VPS54: variants seen among roughly 807,000 people sequenced by gnomAD.
VPS54 encodes VPS54 subunit of GARP complex.
In VPS54, 45 loss-of-function variants were observed where a neutral mutation model predicts 121.5. The ratio of observed to expected loss-of-function variants is 0.37; its 90% confidence interval spans 0.29 to 0.47. The LOEUF (loss-of-function observed/expected upper bound fraction) is 0.47. VPS54 is among the 20% of genes least tolerant of loss of function. The pLI, the probability that VPS54 is intolerant of heterozygous loss-of-function variation, is 0.99. For synonymous variants in VPS54, 371 were observed against 385.8 expected, an observed-to-expected ratio of 0.96 and a Z score of 0.45; for missense variants, 1,090 against 1,131.4, an observed-to-expected ratio of 0.96 and a Z score of 0.52.
rs771131209 is a variant in VPS54, at chr2:63,962,462, A to C, written c.625-19T>G. ...GGCTCAGCTTAAAAGAGAAGGAAAA[A>C]AAATATGAAGTACTATGAGCATACC... On this transcript the variant is annotated intron_variant, in intron 6 of 22. Coordinates refer to ENST00000272322, the MANE Select transcript of VPS54 (RefSeq NM_016516.3). 191 of 1,585,516 alleles carry C rather than the reference A, an allele frequency of 1.2e-4. No individual in the cohort carries two copies. Among genetic ancestry groups the C allele is most frequent in the Non-Finnish European group, 1.6e-4 (181 of 1,167,218 alleles).
intron 1 of VPS54, among the ~76,000 whole-genome samples, chr2:64,015,696 A>G (rs1678651816): frequency 1.3e-5 from 2 of 152,188 alleles, no homozygotes; most frequent in South Asian, 4.1e-4. Flanking sequence ...ATGTTAGGGC[A>G]CTGGATATTT....
chr2:63,972,376 C>G, intron 3 of VPS54, 132 bp from the exon 4 acceptor site: 1 of 547,688 alleles, frequency 1.8e-6, no homozygotes, highest in South Asian at 3.6e-5. Context: ...TCACTAGCCT[C>G]CTGAACTTAA....
At chr2:64,006,919 A>C (rs1001075855) in intron 1 of VPS54, among the ~76,000 whole-genome samples, 2 of 152,184 alleles carry the variant, frequency 1.3e-5, no homozygotes, top group African/African-American at 2.4e-5. Context: ...ACGCCCGGCA[A>C]ACATCTTACT....
At chr2:63,967,799 G>C (rs73935037) in intron 5 of VPS54, among the ~76,000 whole-genome samples, 2,209 of 150,786 alleles carry the variant, frequency 0.015, 62 homozygotes, top group African/African-American at 0.051. Context: ...AAGAGTCCCA[G>C]ATAAAATGTT....
intron 1 of VPS54, among the ~76,000 whole-genome samples, chr2:64,011,901 C>T (rs1678448358): frequency 6.6e-6 from 1 of 152,056 alleles, no homozygotes; most frequent in African/African-American, 2.4e-5. Context: ...ATGATGCTTT[C>T]AAGGAATTTT....
At chr2:63,988,071 G>GA in intron 1 of VPS54, among the ~76,000 whole-genome samples, 1 of 152,300 alleles carries the variant, frequency 6.6e-6, no homozygotes, top group South Asian at 2.1e-4. Flanking sequence ...TAACTGTAGT[G>GA]AAAGTGGGCA....
At chr2:63,972,903 A>C (rs1676352329) in intron 3 of VPS54, among the ~76,000 whole-genome samples, 1 of 152,068 alleles carries the variant, frequency 6.6e-6, no homozygotes, top group African/African-American at 2.4e-5. Flanking sequence ...AAGGAAAGAA[A>C]GATAGAAATT....
At chr2:63,994,979 G>T (rs368165692) in intron 1 of VPS54, among the ~76,000 whole-genome samples, 1 of 152,132 alleles carries the variant, frequency 6.6e-6, no homozygotes, top group Non-Finnish European at 1.5e-5. Context: ...TGCATAGGAG[G>T]TTCAGCTCAT....
At chr2:63,939,977 C>T (rs1401384836) in intron 11 of VPS54, among the ~76,000 whole-genome samples, 2 of 152,050 alleles carry the variant, frequency 1.3e-5, no homozygotes, top group African/African-American at 2.4e-5. Flanking sequence ...AGGATGGTCT[C>T]GATCTCTTGA....
chr2:64,000,920 G>A (rs188328339), intron 1 of VPS54, among the ~76,000 whole-genome samples: 4 of 152,170 alleles, frequency 2.6e-5, no homozygotes, highest in Non-Finnish European at 4.4e-5. Flanking sequence ...CTCTACCATC[G>A]GCAGGTGGCA....
intron 20 of VPS54, among the ~76,000 whole-genome samples, chr2:63,911,102 T>A (rs1481451511): frequency 6.6e-6 from 1 of 152,188 alleles, no homozygotes; most frequent in Non-Finnish European, 1.5e-5. Context: ...CCTTGTTAGA[T>A]GGTAAGCTTC....
chr2:63,950,976 G>A (rs1438294794), intron 7 of VPS54, among the ~76,000 whole-genome samples: 7 of 151,982 alleles, frequency 4.6e-5, no homozygotes, highest in African/African-American at 1.7e-4. Flanking sequence ...ATCCTTTGCT[G>A]GCATTAAGTT....
At chr2:63,976,337 C>G (rs1002024091) in intron 3 of VPS54, among the ~76,000 whole-genome samples, 5 of 142,600 alleles carry the variant, frequency 3.5e-5, no homozygotes, top group Non-Finnish European at 6.0e-5. Context: ...GGCAACAGAG[C>G]GTGACCTTGT....
intron 1 of VPS54, among the ~76,000 whole-genome samples, chr2:63,992,994 A>C (rs1176022703): frequency 1.3e-5 from 2 of 152,218 alleles, no homozygotes; most frequent in Admixed American, 1.3e-4. Flanking sequence ...GTTCGAGCCC[A>C]GTTTCCCCAG....
intron 1 of VPS54, among the ~76,000 whole-genome samples, chr2:64,009,843 G>A (rs1415164957): frequency 1.9e-5 from 2 of 104,784 alleles, no homozygotes; most frequent in African/African-American, 7.3e-5. Context: ...CCATATAATT[G>A]ACCCTTTTTT....
At chr2:63,957,441 C>CAAAAAAAAAAAAAAAAA (rs10551633) in intron 7 of VPS54, among the ~76,000 whole-genome samples, 2 of 90,120 alleles carry the variant, frequency 2.2e-5, no homozygotes, top group Non-Finnish European at 4.5e-5. Flanking sequence ...GACTCCATCT[C>CAAAAAAAAAAAAAAAAA]AAAAAAAAAA....
At chr2:63,944,273 T>C (rs889806595) in intron 10 of VPS54, among the ~76,000 whole-genome samples, 4 of 152,148 alleles carry the variant, frequency 2.6e-5, no homozygotes, top group Admixed American at 1.3e-4. Flanking sequence ...GGCCTGGCCA[T>C]TGAGGAGCCC....
chr2:63,939,634 T>A (rs1674625282), intron 11 of VPS54, among the ~76,000 whole-genome samples: 1 of 152,102 alleles, frequency 6.6e-6, no homozygotes, highest in African/African-American at 2.4e-5. Context: ...CTAAATGACA[T>A]CTAATCTGAC....
chr2:63,963,085 T>G (rs994286941), intron 6 of VPS54, among the ~76,000 whole-genome samples: 1 of 152,136 alleles, frequency 6.6e-6, no homozygotes, highest in African/African-American at 2.4e-5. Context: ...TAATCCAAGA[T>G]AGACTGATGG....
Sources: gnomAD v4.1 joint callset for allele counts (sites outside exome capture counted in the v4.1 genomes callset) on GRCh38, gnomAD v4.1.1 for gene constraint, MANE v1.5 for transcripts, NCBI Gene and HGNC (gene_info 2026-07-23, HGNC 2026-07-21) for gene names.